GDPD4: variants seen among roughly 807,000 people sequenced by gnomAD.
The protein encoded by GDPD4 is glycerophosphodiester phosphodiesterase 6.
Under a neutral mutation model 67.8 loss-of-function variants are expected in GDPD4, and 60 were observed. The ratio of observed to expected loss-of-function variants is 0.88; its 90% CI spans 0.72 to 1.10. The LOEUF (loss-of-function observed/expected upper bound fraction) is 1.10. Among genes scored for constraint, GDPD4 ranks in the 50% least tolerant of loss-of-function variants. The probability of loss-of-function intolerance (pLI) is 0.00; values close to 1 mark genes in which losing one functional copy is unlikely to be tolerated. For missense variants in GDPD4, 623 were observed against 613.9 expected, an observed-to-expected ratio of 1.01 and a Z score of -0.16; for synonymous variants, 212 against 210.9, an observed-to-expected ratio of 1.00 and a Z score of -0.04.
At chr11:77,222,071 G>T (rs993699228) in intron 16 of GDPD4, among the ~76,000 whole-genome samples, 2 of 152,132 alleles carry the variant, frequency 1.3e-5, no homozygotes, top group African/African-American at 4.8e-5. Flanking sequence ...CTTTCCATTT[G>T]CTTGGTAGAT....
At chr11:77,259,928 C>G (rs534008873) in intron 10 of GDPD4, among the ~76,000 whole-genome samples, 213 of 152,278 alleles carry the variant, frequency 1.4e-3, no homozygotes, top group Non-Finnish European at 2.5e-3. Flanking sequence ...GGAGCTTGCA[C>G]AGGGGTATGA....
intron 3 of GDPD4, among the ~76,000 whole-genome samples, chr11:77,283,645 A>G (rs1003951465): frequency 5.9e-5 from 9 of 152,134 alleles, no homozygotes; most frequent in Admixed American, 5.2e-4. Flanking sequence ...AAAACCCCCA[A>G]TGAATAAGTA....
intron 11 of GDPD4, among the ~76,000 whole-genome samples, chr11:77,255,416 T>C (rs1169830079): frequency 1.3e-5 from 2 of 151,778 alleles, no homozygotes; most frequent in Non-Finnish European, 1.5e-5. Context: ...CACAAAAAAT[T>C]AGCTGGTCAT....
At chr11:77,299,589 T>A (rs1938092258) in intron 1 of GDPD4, among the ~76,000 whole-genome samples, 1 of 152,250 alleles carries the variant, frequency 6.6e-6, no homozygotes, top group East Asian at 1.9e-4. Context: ...GCTGATCTGT[T>A]CTGCCTCAGC....
At chr11:77,282,761 G>A (rs1417490388) in intron 3 of GDPD4, among the ~76,000 whole-genome samples, 1 of 151,964 alleles carries the variant, frequency 6.6e-6, no homozygotes, top group African/African-American at 2.4e-5. Context: ...GAATATGGAT[G>A]TAAGCTCAAA....
At chr11:77,253,036 G>A (rs1958936815) in intron 11 of GDPD4, among the ~76,000 whole-genome samples, 2 of 152,166 alleles carry the variant, frequency 1.3e-5, no homozygotes. Flanking sequence ...CCTAGGATCA[G>A]AGTCTCACAA....
At chr11:77,247,419 A>G (rs563052738) in intron 11 of GDPD4, among the ~76,000 whole-genome samples, 33 of 152,356 alleles carry the variant, frequency 2.2e-4, no homozygotes, top group Non-Finnish European at 3.1e-4. Context: ...TTTAATCAAT[A>G]TAAGAGTTTA....
chr11:77,218,693 T>C (rs2212991), intron 16 of GDPD4, among the ~76,000 whole-genome samples: 38,735 of 152,172 alleles, frequency 0.25, 6,060 homozygotes, highest in South Asian at 0.44. Flanking sequence ...TCCAGCTTCA[T>C]CCATGTCCCT....
rs759343431 is a variant in GDPD4 at position 77,271,192 on chromosome 11, A to G, written c.338T>C (p.Ile113Thr). The G allele has an allele frequency of 3.7e-6, 6 of 1,613,066 alleles. No homozygotes were observed. The highest frequency in any genetic ancestry group is 5.1e-6 in the Non-Finnish European group (6 of 1,179,708). The change falls in exon 7 of 17, where the codon ATA becomes ACA. Residue 113 changes from isoleucine to threonine, a missense_variant. Physicochemically the swap from Ile to Thr is moderately conservative, Grantham distance 89. Transcript: ENST00000315938. ...CCAGAAAAGGATAACCATCACAGTTATGCTGACCAGGTGCACGTAGGGAGC... is the reference window on the plus strand; with the variant it reads ...CCAGAAAAGGATAACCATCACAGTTGTGCTGACCAGGTGCACGTAGGGAGC... ...IFAPYVHLVS[I>T]TVMVILFWPV...
At chr11:77,299,073 T>A (rs892820301) in intron 1 of GDPD4, among the ~76,000 whole-genome samples, 1 of 151,812 alleles carries the variant, frequency 6.6e-6, no homozygotes, top group African/African-American at 2.4e-5. Flanking sequence ...ACTGGCCTCA[T>A]ATGAAAACCA....
At chr11:77,279,454 T>C in intron 3 of GDPD4, 55 bp from the exon 4 acceptor site, 1 of 1,103,578 alleles carries the variant, frequency 9.1e-7, no homozygotes, top group Non-Finnish European at 1.4e-6. Flanking sequence ...GTAGCATCTG[T>C]GTCAAGGATG....
intron 10 of GDPD4, among the ~76,000 whole-genome samples, chr11:77,264,296 A>C (rs1959167385): frequency 6.6e-6 from 1 of 152,178 alleles, no homozygotes; most frequent in African/African-American, 2.4e-5. Flanking sequence ...TTTTTCATAT[A>C]AACGTGTTTC....
chr11:77,240,466 T>C (rs890684186), intron 13 of GDPD4, among the ~76,000 whole-genome samples: 1 of 152,144 alleles, frequency 6.6e-6, no homozygotes, highest in Non-Finnish European at 1.5e-5. Flanking sequence ...CCTTATCTCA[T>C]ACCACATACA....
intron 16 of GDPD4, among the ~76,000 whole-genome samples, chr11:77,220,382 A>G (rs1162562489): frequency 6.6e-6 from 1 of 152,202 alleles, no homozygotes; most frequent in Non-Finnish European, 1.5e-5. Context: ...ATGTCCCATC[A>G]ATAGCTAGTT....
In GDPD4 at chr11:77,216,906, C is replaced by A; in HGVS notation, c.*371G>T. ...GTGACATAGGATTATTTGGAGTATT[C>A]AGCCATGGGGATCTCTTAGAGGTCT... On this transcript the variant is annotated 3_prime_UTR_variant, in exon 17 of 17. Transcript: ENST00000315938. 1.4e-6 allele frequency: 1 copy of A among 692,972 alleles called. No individual in the cohort carries two copies. Among genetic ancestry groups the A allele is most frequent in the South Asian group, 1.5e-5 (1 of 66,494 alleles). 42.9% of individuals were successfully genotyped at this position (692,972 alleles called of 1,614,324 possible). A position where few individuals can be genotyped will look rare whatever the true frequency, so the allele number is the denominator to read the frequency against.
At chr11:77,220,392 T>C (rs1250093037) in intron 16 of GDPD4, among the ~76,000 whole-genome samples, 3 of 152,222 alleles carry the variant, frequency 2.0e-5, no homozygotes, top group African/African-American at 7.2e-5. Flanking sequence ...AATAGCTAGT[T>C]TATTGAGAGT....
At chr11:77,259,650 G>A (rs1474809660) in intron 10 of GDPD4, among the ~76,000 whole-genome samples, 9 of 152,024 alleles carry the variant, frequency 5.9e-5, no homozygotes, top group Admixed American at 5.9e-4. Flanking sequence ...TACAGGGTGG[G>A]GGAACCTAAA....
rs73499559 is a variant in GDPD4 at position 77,276,141 on chromosome 11, T to C, written c.207+20A>G. The C allele has an allele frequency of 7.1e-3, 11,413 of 1,597,464 alleles. 730 individuals carry two copies. The African/African-American group carries it at 0.13, about 18-fold the overall frequency. On this transcript the variant is annotated intron_variant, in intron 5 of 16. Coordinates refer to ENST00000315938, the MANE Select transcript of GDPD4 (RefSeq NM_182833.3). ...TTCAGTCCTGGTCTAAGGTTTCCTA[T>C]GTGGACTCAGATGTCCTACCTTATG...
intron 16 of GDPD4, 45 bp from the exon 17 acceptor site, chr11:77,217,359 ACT>A (rs748036028): frequency 3.8e-5 from 54 of 1,426,888 alleles, no homozygotes; most frequent in Middle Eastern, 3.7e-4. Flanking sequence ...TCACTTCTCC[ACT>A]CTCTGTCAGT....
Sources: allele counts gnomAD v4.1 joint callset (sites outside exome capture counted in the v4.1 genomes callset), GRCh38; gene constraint gnomAD v4.1.1; transcripts MANE v1.5; gene names NCBI Gene and HGNC (gene_info 2026-07-23, HGNC 2026-07-21).